ATXN1: variants seen among roughly 807,000 people sequenced by gnomAD.
The protein encoded by ATXN1 is ataxin 1, also known as ataxin-1.
ATXN1 carries 8 observed loss-of-function variants against 56.4 expected under a neutral mutation model. The observed-to-expected ratio is 0.14, with a 90% CI of 0.08 to 0.26. ATXN1 has a LOEUF of 0.26. Ranked by LOEUF, ATXN1 falls within the 10% of genes least tolerant of loss-of-function variation. ATXN1 has a pLI of 1.00. For synonymous variants in ATXN1, 514 were observed against 494.6 expected, an observed-to-expected ratio of 1.04 and a Z score of -0.52; for missense variants, 987 against 1,106.5, an observed-to-expected ratio of 0.89 and a Z score of 1.53.
In ATXN1 at chr6:16,414,200, G is replaced by A. The variant is rs532548053; in HGVS notation, c.-161+71772C>T. ...AGTGTTAGACACTTGGTACAGGAAC[G>A]GATTTCTGCTCTTCCCTATCTCTCA... On this transcript the variant is annotated intron_variant, in intron 6 of 7. Coordinates refer to ENST00000436367, the MANE Select transcript of ATXN1 (RefSeq NM_001128164.2). Among the ~76,000 whole-genome samples the A allele has an allele frequency of 1.7e-3, 266 of 152,270 alleles. 4 individuals are homozygous for A. Among genetic ancestry groups the A allele is most frequent in the African/African-American group, 6.2e-3 (259 of 41,548 alleles).
At chr6:16,556,705 G>C (rs1218073458) in intron 4 of ATXN1, among the ~76,000 whole-genome samples, 4 of 152,128 alleles carry the variant, frequency 2.6e-5, no homozygotes, top group African/African-American at 9.7e-5. Context: ...ATTAAAAATA[G>C]GAACAACATG....
chr6:16,576,382 T>G (rs979761627), intron 4 of ATXN1, among the ~76,000 whole-genome samples: 1 of 152,232 alleles, frequency 6.6e-6, no homozygotes, highest in Non-Finnish European at 1.5e-5. Context: ...AATTACACTC[T>G]GCAACATTCT....
intron 6 of ATXN1, among the ~76,000 whole-genome samples, chr6:16,383,621 C>G (rs1758178513): frequency 6.6e-6 from 1 of 152,050 alleles, no homozygotes; most frequent in Admixed American, 6.5e-5. Context: ...ACGGCTTTGC[C>G]TAAACAATTT....
intron 5 of ATXN1, among the ~76,000 whole-genome samples, chr6:16,517,907 TA>T (rs1198984820): frequency 1.3e-5 from 2 of 152,208 alleles, no homozygotes; most frequent in Non-Finnish European, 2.9e-5. Flanking sequence ...TCCAGGTAAT[TA>T]AAGAGTGTGA....
chr6:16,453,765 T>C (rs1759804690), intron 6 of ATXN1, among the ~76,000 whole-genome samples: 1 of 152,206 alleles, frequency 6.6e-6, no homozygotes, highest in Non-Finnish European at 1.5e-5. Context: ...ATCTGCTGTA[T>C]AGGAATAAAC....
At chr6:16,541,294 T>C (rs560824710) in intron 4 of ATXN1, among the ~76,000 whole-genome samples, 1 of 152,304 alleles carries the variant, frequency 6.6e-6, no homozygotes, top group African/African-American at 2.4e-5. Context: ...CAACCACACC[T>C]TCAAGTCTCA....
chr6:16,551,270 C>T (rs894039463), intron 4 of ATXN1, among the ~76,000 whole-genome samples: 1 of 152,124 alleles, frequency 6.6e-6, no homozygotes, highest in East Asian at 1.9e-4. Context: ...GGAAGCTATT[C>T]TAGGCAAGTC....
At chr6:16,344,000 G>A (rs146558017) in intron 6 of ATXN1, among the ~76,000 whole-genome samples, 6 of 152,210 alleles carry the variant, frequency 3.9e-5, no homozygotes, top group East Asian at 1.9e-4. Context: ...TCTTATACTC[G>A]AGCGTGCGCA....
At chr6:16,608,030 G>T (rs1339581184) in intron 3 of ATXN1, among the ~76,000 whole-genome samples, 1 of 152,204 alleles carries the variant, frequency 6.6e-6, no homozygotes, top group Non-Finnish European at 1.5e-5. Context: ...TCTGTTTTAT[G>T]CTATAAACAG....
In ATXN1 at chr6:16,328,866, G is replaced by C. The variant is rs547673670; in HGVS notation, c.-160-396C>G. The stretch of plus-strand genomic sequence containing the variant: ...TGCTTGAACCCAGGAGGCAGAGGTT[G>C]CAGTGAGCCGAGATTGCACCATTGT... On this transcript the variant is annotated intron_variant, in intron 6 of 7. Transcript: ENST00000436367. The surrounding 1 kb of genome is among the most constrained non-coding windows in gnomAD (Gnocchi z 6.2). Among the ~76,000 whole-genome samples the C allele has an allele frequency of 6.6e-6, 1 of 152,288 alleles. No individual in the cohort carries two copies. The highest frequency in any genetic ancestry group is 1.9e-4 in the East Asian group (1 of 5,188).
intron 2 of ATXN1, among the ~76,000 whole-genome samples, chr6:16,707,139 A>C (rs1384632139): frequency 2.0e-5 from 3 of 152,016 alleles, no homozygotes; most frequent in Non-Finnish European, 4.4e-5. Context: ...TACAGTCAGC[A>C]CTTGAGACAG....
At chr6:16,315,088 C>T (rs963782646) in intron 7 of ATXN1, among the ~76,000 whole-genome samples, 1 of 152,140 alleles carries the variant, frequency 6.6e-6, no homozygotes, top group African/African-American at 2.4e-5. Flanking sequence ...AAAACGGGTA[C>T]ATTTGGACAC....
intron 3 of ATXN1, among the ~76,000 whole-genome samples, chr6:16,591,251 C>T (rs1289946688): frequency 1.3e-5 from 2 of 152,132 alleles, no homozygotes; most frequent in African/African-American, 4.8e-5. Context: ...GCCACAGTGC[C>T]CAGCTGTAAC....
At chr6:16,499,162 A>G (rs903410754) in intron 5 of ATXN1, among the ~76,000 whole-genome samples, 5 of 152,050 alleles carry the variant, frequency 3.3e-5, no homozygotes, top group Non-Finnish European at 5.9e-5. Flanking sequence ...ATCCATTTTT[A>G]GTTCATTTTT....
intron 6 of ATXN1, among the ~76,000 whole-genome samples, chr6:16,395,428 G>A (rs974582542): frequency 2.0e-5 from 3 of 152,056 alleles, no homozygotes; most frequent in African/African-American, 7.2e-5. Flanking sequence ...TGGGTCAGCC[G>A]CGGATTGCAT....
At chr6:16,441,876 GA>G (rs1759524594) in intron 6 of ATXN1, among the ~76,000 whole-genome samples, 1 of 151,936 alleles carries the variant, frequency 6.6e-6, no homozygotes, top group Non-Finnish European at 1.5e-5. Context: ...CTCAGAAAAG[GA>G]ACATGAGCAA....
chr6:16,542,867 T>C (rs1761742058), intron 4 of ATXN1, among the ~76,000 whole-genome samples: 1 of 152,190 alleles, frequency 6.6e-6, no homozygotes, highest in Non-Finnish European at 1.5e-5. Context: ...AGAACAATCA[T>C]AACATTATAC....
At chr6:16,384,906 A>G (rs1384412601) in intron 6 of ATXN1, among the ~76,000 whole-genome samples, 1 of 152,242 alleles carries the variant, frequency 6.6e-6, no homozygotes, top group African/African-American at 2.4e-5. Flanking sequence ...AGAAGAGACT[A>G]ATACATCTGT....
chr6:16,674,835 G>A (rs887480205), intron 2 of ATXN1, among the ~76,000 whole-genome samples: 9 of 152,132 alleles, frequency 5.9e-5, no homozygotes, highest in Non-Finnish European at 1.0e-4. Flanking sequence ...CTGTACTGGA[G>A]TAAGAAATCA....
Sources: gnomAD v4.1 joint callset for allele counts (sites outside exome capture counted in the v4.1 genomes callset) on GRCh38, gnomAD v4.1.1 for gene constraint, Gnocchi (gnomAD v3.1) non-coding constraint, MANE v1.5 for transcripts, NCBI Gene and HGNC (gene_info 2026-07-23, HGNC 2026-07-21) for gene names.